The following MAOB variants were observed in gnomAD, a reference collection of about 807,000 sequenced individuals.
MAOB encodes monoamine oxidase B, also known as amine oxidase [flavin-containing] B.
A neutral mutation model predicts 41.9 loss-of-function variants in MAOB; 15 were observed. That is an observed-to-expected ratio of 0.36 (90% CI 0.24 to 0.55). The LOEUF (loss-of-function observed/expected upper bound fraction) is 0.55, where lower values mean the gene tolerates loss of function less well. MAOB is among the 20% of genes least tolerant of loss of function. The pLI, the probability that MAOB is intolerant of heterozygous loss-of-function variation, is 0.86. For missense variants in MAOB, 345 were observed against 398.7 expected (o/e 0.87, Z 1.15); for synonymous variants, 167 against 144.2 (o/e 1.16, Z -1.13).
chrX:43,779,075 C>A (rs1050433815), intron 10 of MAOB, among the ~76,000 whole-genome samples: 1 of 111,509 alleles, frequency 9.0e-6, no homozygotes, highest in Non-Finnish European at 1.9e-5. Flanking sequence ...TATGAAAATG[C>A]CTAAGTTCTT....
chrX:43,882,131 G>A, intron 1 of MAOB, 123 bp downstream of exon 1: 1 of 1,093,910 alleles, frequency 9.1e-7, no homozygotes, highest in Non-Finnish European at 1.2e-6. Flanking sequence ...AGCCCTGCCC[G>A]TGCGTGGACA....
intron 2 of MAOB, among the ~76,000 whole-genome samples, chrX:43,843,021 T>G (rs1273798687): frequency 5.4e-5 from 6 of 111,148 alleles, no homozygotes; most frequent in Non-Finnish European, 1.1e-4. Flanking sequence ...GTAATAATAA[T>G]GTATTGTGCA....
At chrX:43,869,741 T>A (rs1002399958) in intron 1 of MAOB, among the ~76,000 whole-genome samples, 2 of 112,303 alleles carry the variant, frequency 1.8e-5, no homozygotes, top group Non-Finnish European at 3.8e-5. Context: ...ACATGCTGAT[T>A]CAAAATGTTG....
At chrX:43,821,823 C>A (rs902356689) in intron 3 of MAOB, among the ~76,000 whole-genome samples, 3 of 111,857 alleles carry the variant, frequency 2.7e-5, no homozygotes, top group Non-Finnish European at 5.6e-5. Flanking sequence ...GATGAAGGTA[C>A]CTGATATTTA....
intron 1 of MAOB, among the ~76,000 whole-genome samples, chrX:43,880,997 G>A (rs966558592): frequency 8.9e-6 from 1 of 112,891 alleles, no homozygotes; most frequent in African/African-American, 3.2e-5. Flanking sequence ...AAAGAAAACT[G>A]AATTTATACA....
chrX:43,835,605 T>C (rs1206234441), intron 3 of MAOB, among the ~76,000 whole-genome samples: 1 of 112,143 alleles, frequency 8.9e-6, no homozygotes, highest in Non-Finnish European at 1.9e-5. Flanking sequence ...TACAAACATG[T>C]CTGACAGATC....
rs761863530 is a variant in MAOB at position 43,768,250 on chromosome X, A to T, written c.1410+404T>A. ...TATATTAAAAATAAAATTTTAATCT[A>T]AATATTCTCCATTTCATTCCATTTG... On this transcript the variant is annotated intron_variant, in intron 14 of 14. Transcript: ENST00000378069. Among the ~76,000 whole-genome samples the T allele has an allele frequency of 1.3e-3, 142 of 112,406 alleles. 1 individual carries two copies. The highest frequency in any genetic ancestry group is 4.4e-3 in the African/African-American group (135 of 30,959).
At chrX:43,769,650 A>G (rs1298737108) in intron 12 of MAOB, among the ~76,000 whole-genome samples, 1 of 111,805 alleles carries the variant, frequency 8.9e-6, no homozygotes, top group Non-Finnish European at 1.9e-5. Context: ...CAGGTGAAGG[A>G]GCTGACATTA....
rs73473855 is a variant in MAOB at position 43,816,895 on chromosome X, T to A, written c.280-13491A>T. On this transcript the variant is annotated intron_variant, in intron 3 of 14. Transcript: ENST00000378069. ...TGCTAGGCTACCCTGAGGAAAGAGA[T>A]CCACATTTCTATGTTTGATGCCTCC... Among the ~76,000 whole-genome samples the A allele has an allele frequency of 7.8e-3, 867 of 111,333 alleles. 11 individuals carry two copies. Among genetic ancestry groups the A allele is most frequent in the African/African-American group, 0.027 (830 of 30,581 alleles).
intron 1 of MAOB, among the ~76,000 whole-genome samples, chrX:43,857,615 G>T (rs1005621000): frequency 1.2e-4 from 13 of 111,398 alleles, no homozygotes; most frequent in Non-Finnish European, 1.9e-4. Flanking sequence ...GAAAGACCCT[G>T]CCAATATGGC....
intron 3 of MAOB, among the ~76,000 whole-genome samples, chrX:43,832,076 C>T (rs1335510221): frequency 2.7e-5 from 3 of 112,070 alleles, no homozygotes; most frequent in Non-Finnish European, 5.6e-5. Flanking sequence ...TGATTTATCA[C>T]TTGGTGATAT....
intron 11 of MAOB, among the ~76,000 whole-genome samples, chrX:43,775,936 A>G (rs2034249955): frequency 8.9e-6 from 1 of 112,844 alleles, no homozygotes; most frequent in African/African-American, 3.2e-5. Flanking sequence ...TTTTAAGAAA[A>G]CAATGTTTGT....
At chrX:43,789,300 A>T (rs1201396839) in intron 8 of MAOB, among the ~76,000 whole-genome samples, 1 of 112,303 alleles carries the variant, frequency 8.9e-6, no homozygotes, top group Non-Finnish European at 1.9e-5. Context: ...CTTTAAGGAT[A>T]AACAATCTAA....
At chrX:43,829,790 G>A (rs888628947) in intron 3 of MAOB, among the ~76,000 whole-genome samples, 1 of 111,797 alleles carries the variant, frequency 8.9e-6, no homozygotes, top group Non-Finnish European at 1.9e-5. Context: ...TGTTTTGTAC[G>A]GGTTTTATTT....
intron 1 of MAOB, among the ~76,000 whole-genome samples, chrX:43,867,536 C>T (rs1035469913): frequency 1.8e-5 from 2 of 112,493 alleles, no homozygotes; most frequent in Non-Finnish European, 3.8e-5. Flanking sequence ...TTCAACTAGA[C>T]AAGAGTATGA....
chrX:43,842,508 C>A (rs1460971356), intron 2 of MAOB, among the ~76,000 whole-genome samples: 1 of 112,273 alleles, frequency 8.9e-6, no homozygotes, highest in Non-Finnish European at 1.9e-5. Flanking sequence ...GGAGGTTCCT[C>A]AGAAAACTAA....
chrX:43,817,874 A>T (rs1267983690), intron 3 of MAOB, among the ~76,000 whole-genome samples: 1 of 112,249 alleles, frequency 8.9e-6, no homozygotes, highest in African/African-American at 3.2e-5. Flanking sequence ...AACTGAGACT[A>T]TGTGGTACAT....
intron 5 of MAOB, among the ~76,000 whole-genome samples, chrX:43,800,102 A>G (rs2034573845): frequency 9.0e-6 from 1 of 111,482 alleles, no homozygotes; most frequent in Admixed American, 9.6e-5. Context: ...GAAGAGTTGG[A>G]AAATTGTCTT....
At chrX:43,791,761 A>G (rs773323459) in intron 8 of MAOB, among the ~76,000 whole-genome samples, 77 of 111,971 alleles carry the variant, frequency 6.9e-4, no homozygotes, top group Non-Finnish European at 1.2e-3. Flanking sequence ...CGTCTCAAAA[A>G]AAAAAAAATT....
Sources: gnomAD v4.1 joint callset for allele counts (sites outside exome capture counted in the v4.1 genomes callset) on GRCh38, gnomAD v4.1.1 for gene constraint, MANE v1.5 for transcripts, NCBI Gene and HGNC (gene_info 2026-07-23, HGNC 2026-07-21) for gene names.